The following OSBPL8 variants were observed in gnomAD, a reference collection of about 807,000 sequenced individuals.
OSBPL8 encodes the protein oxysterol-binding protein-related protein 8.
A neutral mutation model predicts 125.5 loss-of-function variants in OSBPL8; 59 were observed. The ratio of observed to expected loss-of-function variants is 0.47; its 90% CI spans 0.38 to 0.58. The LOEUF (loss-of-function observed/expected upper bound fraction) is 0.58. Among genes scored for constraint, OSBPL8 ranks in the 20% least tolerant of loss-of-function variants. The pLI, the probability that OSBPL8 is intolerant of heterozygous loss-of-function variation, is 0.00. For synonymous variants in OSBPL8, 330 were observed against 338.9 expected, an observed-to-expected ratio of 0.97 and a Z score of 0.29; for missense variants, 758 against 1,047.8, an observed-to-expected ratio of 0.72 and a Z score of 3.82.
rs1336395823 is a variant in OSBPL8, at chr12:76,480,059, C to T, written c.42+7451G>A. ...GCGCATGCCTGTAATCCCAGCTACTCGGGAGGCTGAGGCAGGAGAATCGCT... is the reference window on the plus strand; with the variant it reads ...GCGCATGCCTGTAATCCCAGCTACTTGGGAGGCTGAGGCAGGAGAATCGCT... On this transcript the variant is annotated intron_variant, in intron 2 of 23. Coordinates refer to ENST00000261183, the MANE Select transcript of OSBPL8 (RefSeq NM_020841.5). Among the ~76,000 whole-genome samples, 5 of 146,840 alleles carry T rather than the reference C, an allele frequency of 3.4e-5. No homozygotes were observed. In the East Asian group the frequency reaches 6.3e-4, roughly 18 times the overall value.
intron 5 of OSBPL8, among the ~76,000 whole-genome samples, chr12:76,404,196 C>G (rs930076484): frequency 3.9e-5 from 6 of 152,166 alleles, no homozygotes; most frequent in African/African-American, 1.2e-4. Flanking sequence ...TAACATTCCT[C>G]AAGCCAAACA....
chr12:76,476,086 G>A (rs545032241), intron 2 of OSBPL8, among the ~76,000 whole-genome samples: 26 of 152,176 alleles, frequency 1.7e-4, no homozygotes, highest in Admixed American at 1.7e-3. Flanking sequence ...AGTTCCCTAA[G>A]AAACAGAATA....
chr12:76,523,605 CCTTATAAGAAGA>C (rs772939813), intron 1 of OSBPL8, among the ~76,000 whole-genome samples: 12 of 152,006 alleles, frequency 7.9e-5, no homozygotes, highest in Non-Finnish European at 1.8e-4. Context: ...GGATTAGTGC[CCTTATAAGAAGA>C]GATACAAGAG....
chr12:76,387,049 T>G (rs1347095151), intron 12 of OSBPL8, among the ~76,000 whole-genome samples: 1 of 152,170 alleles, frequency 6.6e-6, no homozygotes, highest in Non-Finnish European at 1.5e-5. Context: ...GCATTTGCAA[T>G]GTTAGGCAGT....
At chr12:76,513,631 G>A (rs1881226789) in intron 1 of OSBPL8, among the ~76,000 whole-genome samples, 1 of 151,622 alleles carries the variant, frequency 6.6e-6, no homozygotes, top group East Asian at 1.9e-4. Context: ...TATAAATTTA[G>A]GATAGTTAGG....
chr12:76,476,621 A>G (rs1266535606), intron 2 of OSBPL8, among the ~76,000 whole-genome samples: 1 of 152,216 alleles, frequency 6.6e-6, no homozygotes, highest in Non-Finnish European at 1.5e-5. Context: ...GAAAATATAC[A>G]TAAGTTAAGC....
At chr12:76,405,473 T>G (rs1954219125) in intron 5 of OSBPL8, among the ~76,000 whole-genome samples, 1 of 151,900 alleles carries the variant, frequency 6.6e-6, no homozygotes, top group Non-Finnish European at 1.5e-5. Context: ...AAAATCAAAT[T>G]TGTTTCCCTA....
chr12:76,500,317 A>G (rs1258081623), intron 1 of OSBPL8, among the ~76,000 whole-genome samples: 1 of 152,140 alleles, frequency 6.6e-6, no homozygotes, highest in East Asian at 1.9e-4. Flanking sequence ...TCATATTTCC[A>G]TGCCTTTGCC....
intron 1 of OSBPL8, among the ~76,000 whole-genome samples, chr12:76,527,121 G>C (rs1006516986): frequency 6.6e-6 from 1 of 151,686 alleles, no homozygotes; most frequent in Non-Finnish European, 1.5e-5. Context: ...TTTACCTGCT[G>C]TCTATATATT....
chr12:76,535,461 GTGT>G (rs1185972968), intron 1 of OSBPL8, among the ~76,000 whole-genome samples: 1 of 152,122 alleles, frequency 6.6e-6, no homozygotes, highest in East Asian at 1.9e-4. Context: ...GAAAATGTAA[GTGT>G]TGATGAGAAG....
intron 1 of OSBPL8, among the ~76,000 whole-genome samples, chr12:76,535,276 G>A (rs1307905344): frequency 6.6e-6 from 1 of 150,902 alleles, no homozygotes; most frequent in African/African-American, 2.4e-5. Context: ...AAATCAATAA[G>A]AAAACAATTT....
At chr12:76,503,327 A>C (rs1880091815) in intron 1 of OSBPL8, among the ~76,000 whole-genome samples, 1 of 152,150 alleles carries the variant, frequency 6.6e-6, no homozygotes, top group African/African-American at 2.4e-5. Context: ...CAGAGATTTC[A>C]CATGGTCTTC....
chr12:76,361,970 C>G (rs1476783116), intron 21 of OSBPL8, among the ~76,000 whole-genome samples: 1 of 152,160 alleles, frequency 6.6e-6, no homozygotes, highest in Admixed American at 6.5e-5. Flanking sequence ...CTCGTTCTTT[C>G]TTGTTCAGCA....
At chr12:76,516,582 A>C (rs1197364521) in intron 1 of OSBPL8, among the ~76,000 whole-genome samples, 1 of 152,234 alleles carries the variant, frequency 6.6e-6, no homozygotes, top group African/African-American at 2.4e-5. Flanking sequence ...AAAGTAAAAG[A>C]AAGGACACAA....
chr12:76,385,448 A>G (rs1202940765), intron 14 of OSBPL8, among the ~76,000 whole-genome samples: 4 of 152,202 alleles, frequency 2.6e-5, no homozygotes, highest in Non-Finnish European at 5.9e-5. Context: ...GAGAGGTATC[A>G]TAGGGGAGAA....
At chr12:76,486,098 C>T in intron 2 of OSBPL8, 1 of 398,616 alleles carries the variant, frequency 2.5e-6, no homozygotes, top group East Asian at 7.3e-5. Context: ...ATTTCCACAC[C>T]CATTTTCTTC....
intron 10 of OSBPL8, 58 bp from the exon 11 acceptor site, chr12:76,390,715 T>C: frequency 1.0e-6 from 1 of 989,426 alleles, no homozygotes; most frequent in Non-Finnish European, 1.6e-6. Context: ...GCTCAATTCA[T>C]AAATAATAAT....
At chr12:76,459,159 T>C (rs1874405762) in intron 3 of OSBPL8, among the ~76,000 whole-genome samples, 1 of 152,168 alleles carries the variant, frequency 6.6e-6, no homozygotes, top group Non-Finnish European at 1.5e-5. Context: ...TCTATAAAAT[T>C]AATGCTTCAT....
intron 4 of OSBPL8, among the ~76,000 whole-genome samples, chr12:76,415,713 T>C (rs1196895690): frequency 6.6e-6 from 1 of 152,240 alleles, no homozygotes; most frequent in Non-Finnish European, 1.5e-5. Context: ...GTTTAATACA[T>C]GGCTCCAACT....
Sources: allele counts gnomAD v4.1 joint callset (sites outside exome capture counted in the v4.1 genomes callset), GRCh38; gene constraint gnomAD v4.1.1; transcripts MANE v1.5; gene names NCBI Gene and HGNC (gene_info 2026-07-23, HGNC 2026-07-21).